INPP4B: variants seen among roughly 807,000 people sequenced by gnomAD.
The protein encoded by INPP4B is inositol polyphosphate 4-phosphatase type II.
In INPP4B, 55 loss-of-function variants were observed where a neutral mutation model predicts 122.5. That is an observed-to-expected ratio of 0.45 (90% confidence interval 0.36 to 0.56). The LOEUF is 0.56. Among genes scored for constraint, INPP4B ranks in the 20% least tolerant of loss-of-function variants. The pLI is 0.00. For synonymous variants in INPP4B, 403 were observed against 388.7 expected, an observed-to-expected ratio of 1.04 and a Z score of -0.43; for missense variants, 1,000 against 1,097.7, an observed-to-expected ratio of 0.91 and a Z score of 1.26.
chr4:142,564,272 A>G (rs1163732955), intron 2 of INPP4B, among the ~76,000 whole-genome samples: 2 of 152,040 alleles, frequency 1.3e-5, no homozygotes, highest in Non-Finnish European at 2.9e-5. Context: ...AGCAGAGAAC[A>G]CCTCAGTGAG....
chr4:142,762,181 C>T (rs1365822043), intron 1 of INPP4B, among the ~76,000 whole-genome samples: 1 of 152,048 alleles, frequency 6.6e-6, no homozygotes, highest in African/African-American at 2.4e-5. Flanking sequence ...AGTGCCCTGG[C>T]TCTCATTCTG....
intron 2 of INPP4B, among the ~76,000 whole-genome samples, chr4:142,700,231 C>A (rs1761554044): frequency 6.6e-6 from 1 of 152,082 alleles, no homozygotes; most frequent in African/African-American, 2.4e-5. Flanking sequence ...AACCTAGTGT[C>A]ACAATAAATG....
At chr4:142,791,776 T>C (rs1385540496) in intron 1 of INPP4B, among the ~76,000 whole-genome samples, 2 of 152,056 alleles carry the variant, frequency 1.3e-5, no homozygotes, top group Non-Finnish European at 2.9e-5. Context: ...TCCTGTAAAG[T>C]GTGCACCCTG....
At chr4:142,592,901 GA>G (rs1287208762) in intron 2 of INPP4B, among the ~76,000 whole-genome samples, 1 of 152,024 alleles carries the variant, frequency 6.6e-6, no homozygotes, top group Non-Finnish European at 1.5e-5. Context: ...AGGAGTTCAA[GA>G]CCAGCCTGGG....
At chr4:142,607,144 CTCA>C (rs1483263342) in intron 2 of INPP4B, among the ~76,000 whole-genome samples, 4 of 151,610 alleles carry the variant, frequency 2.6e-5, no homozygotes, top group African/African-American at 4.8e-5. Flanking sequence ...TAAATATATC[CTCA>C]TATCTTTCAA....
chr4:142,647,041 G>A lies in INPP4B; in HGVS notation c.-191+78798C>T, dbSNP rs756038554. 5.3e-5 allele frequency among the ~76,000 whole-genome samples: 8 copies of A among 152,256 alleles called. No individual in the cohort carries two copies. The East Asian group carries it at 7.7e-4, about 15-fold the overall frequency. On this transcript the variant is annotated intron_variant, in intron 2 of 25. Transcript: ENST00000262992. ...ACTTTACTGGTGGATAAAAATTTTTGTATAGGGGAAAATCTTGGGCCTAAA... is the reference window on the plus strand; with the variant it reads ...ACTTTACTGGTGGATAAAAATTTTTATATAGGGGAAAATCTTGGGCCTAAA...
chr4:142,205,627 CTCAA>C (rs1291742091), intron 14 of INPP4B, among the ~76,000 whole-genome samples: 1 of 152,100 alleles, frequency 6.6e-6, no homozygotes, highest in Non-Finnish European at 1.5e-5. Context: ...CATACCCTAA[CTCAA>C]TCAGGAATGA....
At chr4:142,523,502 T>G (rs986699813) in intron 2 of INPP4B, among the ~76,000 whole-genome samples, 2 of 152,160 alleles carry the variant, frequency 1.3e-5, no homozygotes, top group East Asian at 3.9e-4. Context: ...CAGAATAATT[T>G]CTCAGCTTTC....
intron 2 of INPP4B, among the ~76,000 whole-genome samples, chr4:142,700,078 G>T (rs1044369992): frequency 6.6e-5 from 10 of 151,914 alleles, no homozygotes; most frequent in African/African-American, 2.4e-4. Context: ...CATCTTACTA[G>T]ATTTGCCTAT....
intron 7 of INPP4B, among the ~76,000 whole-genome samples, chr4:142,315,004 A>C (rs1414155538): frequency 6.6e-6 from 1 of 152,202 alleles, no homozygotes; most frequent in East Asian, 1.9e-4. Flanking sequence ...ATACAGATAT[A>C]TCCAGGATTT....
intron 2 of INPP4B, among the ~76,000 whole-genome samples, chr4:142,502,011 T>A (rs945260904): frequency 1.3e-5 from 2 of 152,072 alleles, no homozygotes; most frequent in Non-Finnish European, 2.9e-5. Context: ...CTCTGAGAAG[T>A]AAGTAAGTGA....
intron 2 of INPP4B, among the ~76,000 whole-genome samples, chr4:142,543,669 C>T (rs183757837): frequency 4.4e-4 from 67 of 152,140 alleles, no homozygotes; most frequent in African/African-American, 1.5e-3. Flanking sequence ...CTTTTTAAAT[C>T]TTAACTATTA....
chr4:142,667,476 G>A (rs1298679061), intron 2 of INPP4B, among the ~76,000 whole-genome samples: 1 of 152,114 alleles, frequency 6.6e-6, no homozygotes, highest in African/African-American at 2.4e-5. Context: ...AGAGATGTTA[G>A]GAATCCAGGT....
chr4:142,152,478 T>C (rs567426568), intron 17 of INPP4B, among the ~76,000 whole-genome samples: 16 of 152,192 alleles, frequency 1.1e-4, no homozygotes, highest in African/African-American at 3.9e-4. Context: ...AATAGATGCA[T>C]AAAAGAAGAA....
chr4:142,523,954 A>G (rs569415080), intron 2 of INPP4B, among the ~76,000 whole-genome samples: 3 of 147,370 alleles, frequency 2.0e-5, no homozygotes, highest in Non-Finnish European at 3.0e-5. Context: ...GATGATTTCC[A>G]ATTTCATCCA....
intron 14 of INPP4B, among the ~76,000 whole-genome samples, chr4:142,201,410 ATCT>A (rs1172947285): frequency 6.6e-6 from 1 of 152,060 alleles, no homozygotes; most frequent in Non-Finnish European, 1.5e-5. Context: ...ATCTTAGGTA[ATCT>A]TCTTAATATT....
At chr4:142,172,646 TA>T (rs33928177) in intron 16 of INPP4B, among the ~76,000 whole-genome samples, 15,116 of 151,980 alleles carry the variant, frequency 0.099, 1,109 homozygotes, top group African/African-American at 0.2. Context: ...GAATAACATA[TA>T]AAAATGTATA....
At chr4:142,299,152 C>T (rs1760170927) in intron 9 of INPP4B, among the ~76,000 whole-genome samples, 2 of 144,086 alleles carry the variant, frequency 1.4e-5, no homozygotes, top group South Asian at 2.3e-4. Context: ...TTTTTTCTTT[C>T]TTTCTTTTTT....
At chr4:142,422,860 G>A (rs1356538339) in intron 5 of INPP4B, among the ~76,000 whole-genome samples, 3 of 151,860 alleles carry the variant, frequency 2.0e-5, no homozygotes, top group African/African-American at 7.3e-5. Context: ...CAAGAAAATG[G>A]ATGTCAATCA....
Sources: allele counts gnomAD v4.1 joint callset (sites outside exome capture counted in the v4.1 genomes callset), GRCh38; gene constraint gnomAD v4.1.1; transcripts MANE v1.5; gene names NCBI Gene and HGNC (gene_info 2026-07-23, HGNC 2026-07-21).